PLIN1: variants seen among roughly 807,000 people sequenced by gnomAD.
PLIN1 encodes the protein perilipin-1.
Under a neutral mutation model 45.8 loss-of-function variants are expected in PLIN1, and 37 were observed. That is an observed-to-expected ratio of 0.81 (90% CI 0.62 to 1.06). The LOEUF is 1.06. Ranked by LOEUF, PLIN1 falls within the 50% of genes least tolerant of loss-of-function variation. The pLI is 0.00. For missense variants in PLIN1, 776 were observed against 716.5 expected (o/e 1.08, Z -0.95); for synonymous variants, 340 against 309.2 (o/e 1.10, Z -1.05).
In PLIN1 at chr15:89,669,482, C is replaced by G; in HGVS notation, c.771+18G>C. 6.2e-7 allele frequency: 1 copy of G among 1,606,898 alleles called. No homozygotes were observed. Among genetic ancestry groups the G allele is most frequent in the Non-Finnish European group, 8.5e-7 (1 of 1,178,506 alleles). On this transcript the variant is annotated intron_variant, in intron 6 of 8. Coordinates refer to ENST00000300055, the MANE Select transcript of PLIN1 (RefSeq NM_002666.5). ...CTCCCAGGCACCGGGTCAGTCAGAG[C>G]TCACGGCAGATACTTACCAGGGGCA... is the stretch of plus-strand genomic sequence containing the variant.
At chr15:89,672,298 A>G (rs554203893) in intron 3 of PLIN1, among the ~76,000 whole-genome samples, 3 of 152,252 alleles carry the variant, frequency 2.0e-5, no homozygotes, top group Non-Finnish European at 4.4e-5. Context: ...CTCTGCAGCC[A>G]TGGCCAATGG....
At chr15:89,671,441 G>A (rs775126803) in intron 4 of PLIN1, 41 bp downstream of exon 4, 46 of 1,374,442 alleles carry the variant, frequency 3.3e-5, no homozygotes, top group South Asian at 7.4e-5. Flanking sequence ...AGGCGGTGAC[G>A]ACAGAGTGCA....
At chr15:89,676,468 T>C (rs8179052) in intron 2 of PLIN1, among the ~76,000 whole-genome samples, 22,813 of 152,148 alleles carry the variant, frequency 0.15, 2,521 homozygotes, top group African/African-American at 0.31. Flanking sequence ...AGGATGGTCT[T>C]GATCTCCTGA....
chr15:89,677,399 C>T (rs758328460), intron 2 of PLIN1, 46 bp downstream of exon 2: 4 of 1,486,516 alleles, frequency 2.7e-6, no homozygotes, highest in Non-Finnish European at 3.8e-6. Flanking sequence ...TCTTCCTCCT[C>T]CCTCAGTTGT....
chr15:89,675,633 G>T lies in PLIN1; in HGVS notation c.45+1812C>A, dbSNP rs529196020. Among the ~76,000 whole-genome samples the T allele has an allele frequency of 5.3e-5, 8 of 152,044 alleles. No individual in the cohort carries two copies. The East Asian group carries it at 1.4e-3, about 26-fold the overall frequency. ...AAAAAATAAATAAATAAAATTAAAAGAACAAATTCTAGGCATGCAGAGGGA... is the reference window on the plus strand; with the variant it reads ...AAAAAATAAATAAATAAAATTAAAATAACAAATTCTAGGCATGCAGAGGGA... On this transcript the variant is annotated intron_variant, in intron 2 of 8. Transcript: ENST00000300055.
intron 4 of PLIN1, 51 bp from the exon 5 acceptor site, chr15:89,670,295 A>T: frequency 6.3e-7 from 1 of 1,575,324 alleles, no homozygotes; most frequent in East Asian, 2.3e-5. Flanking sequence ...AGGCCCTACA[A>T]GGGCTGCCCT....
At chr15:89,669,431 T>C (rs1964399908) in intron 6 of PLIN1, 69 bp downstream of exon 6, 2 of 1,241,666 alleles carry the variant, frequency 1.6e-6, no homozygotes, top group African/African-American at 1.5e-5. Context: ...GGGTGGGGGA[T>C]GGGAGGGACT....
intron 8 of PLIN1, 119 bp downstream of exon 8, chr15:89,666,817 G>GA: frequency 1.8e-6 from 2 of 1,122,866 alleles, no homozygotes; most frequent in Non-Finnish European, 2.6e-6. Flanking sequence ...GGAGTGGGGG[G>GA]CGGTCTCCAG....
Position 89,673,309 on chromosome 15 carries a change from C to G in PLIN1, c.151G>C (p.Val51Leu), listed in dbSNP as rs753036450. The change falls in exon 3 of 9, where the codon GTG becomes CTG. Residue 51 changes from valine (V) to leucine (L), a missense_variant. Transcript: ENST00000300055. Reference protein sequence around the residue: ...YTSTKEAHPLVASVCNAYEKG... With the variant: ...YTSTKEAHPLLASVCNAYEKG... Reference sequence around the variant, plus strand: ...TCATAGGCATTGCACACAGAGGCCACCAGGGGGTGGGCTTCCTTAGTGCTG... The same window carrying G: ...TCATAGGCATTGCACACAGAGGCCAGCAGGGGGTGGGCTTCCTTAGTGCTG... The G allele has an allele frequency of 6.3e-7, 1 of 1,590,370 alleles. No homozygotes were observed. Among genetic ancestry groups the G allele is most frequent in the Non-Finnish European group, 8.6e-7 (1 of 1,167,678 alleles).
At position 89,666,987 on chromosome 15, in the gene PLIN1, G is replaced by A; in HGVS notation, c.1158C>T (p.Ala386=). 6 of 1,614,100 alleles carry A rather than the reference G, an allele frequency of 3.7e-6. No homozygotes were observed. In the East Asian group the frequency reaches 6.7e-5, roughly 18 times the overall value. Residue 386 remains alanine (A), a synonymous_variant, in exon 8 of 9, where the codon GCC becomes GCT. Coordinates refer to ENST00000300055, the MANE Select transcript of PLIN1 (RefSeq NM_002666.5). ...TKGRAMSLSD[A]LKGVTDNVVD... ...CCACGTTGTCAGTAACGCCCTTCAG[G>A]GCATCTGATAGGGACATGGCCCTCC...
chr15:89,669,370 GC>G, intron 6 of PLIN1, 129 bp downstream of exon 6: 2 of 834,076 alleles, frequency 2.4e-6, no homozygotes, highest in South Asian at 2.7e-5. Context: ...TAGAACTGAA[GC>G]CCCAGCCCAC....
chr15:89,678,629 G>A (rs1220854994), intron 1 of PLIN1, among the ~76,000 whole-genome samples: 1 of 152,060 alleles, frequency 6.6e-6, no homozygotes, highest in Non-Finnish European at 1.5e-5. Context: ...AAAACAAGAA[G>A]TTTCAAGCTG....
At position 89,678,259 on chromosome 15, in the gene PLIN1, C is replaced by T. The variant is rs564192377; in HGVS notation, c.-14-756G>A. ...GCGCGGTGGCTCAGGCCTGTAATCC[C>T]GGCACTTTGGGAGTCCAAGGCAGGC... On this transcript the variant is annotated intron_variant, in intron 1 of 8. Transcript: ENST00000300055. Among the ~76,000 whole-genome samples, 9 of 151,842 alleles carry T rather than the reference C, an allele frequency of 5.9e-5. No homozygotes were observed. The South Asian group carries it at 1.0e-3, about 18-fold the overall frequency.
chr15:89,666,902 G>T, intron 8 of PLIN1, 34 bp downstream of exon 8: 3 of 1,612,444 alleles, frequency 1.9e-6, no homozygotes, highest in African/African-American at 1.3e-5. Flanking sequence ...AGGCCCCCTT[G>T]GGACACTAAC....
intron 1 of PLIN1, among the ~76,000 whole-genome samples, chr15:89,678,977 C>G (rs190628416): frequency 7.9e-5 from 12 of 152,082 alleles, no homozygotes; most frequent in Non-Finnish European, 1.6e-4. Context: ...TCTCATGTAG[C>G]TGGGACTACA....
At chr15:89,676,190 T>C (rs1343986888) in intron 2 of PLIN1, among the ~76,000 whole-genome samples, 1 of 152,156 alleles carries the variant, frequency 6.6e-6, no homozygotes, top group Non-Finnish European at 1.5e-5. Flanking sequence ...CCCCCATCAA[T>C]GACACCTACA....
rs558729936 is a variant in PLIN1, at chr15:89,672,981, T to C, written c.250+229A>G. On this transcript the variant is annotated intron_variant, in intron 3 of 8. Coordinates refer to ENST00000300055, the MANE Select transcript of PLIN1 (RefSeq NM_002666.5). ...CCTGCAGATTCTCTGGCCATCATTGTTATCCTAGGAAAATGCCAGCTGGGC... is the reference window on the plus strand; with the variant it reads ...CCTGCAGATTCTCTGGCCATCATTGCTATCCTAGGAAAATGCCAGCTGGGC... Among the ~76,000 whole-genome samples, 100 of 152,346 alleles carry C rather than the reference T, an allele frequency of 6.6e-4. 2 individuals carry two copies. In the South Asian group the frequency reaches 0.013, roughly 20 times the overall value.
At chr15:89,678,141 C>A (rs1490285585) in intron 1 of PLIN1, among the ~76,000 whole-genome samples, 1 of 151,888 alleles carries the variant, frequency 6.6e-6, no homozygotes, top group Admixed American at 6.5e-5. Flanking sequence ...GATCTGCCCA[C>A]CTTGGCCTCC....
At position 89,673,293 on chromosome 15, in the gene PLIN1, T is replaced by TTGCACAC; in HGVS notation, c.160_166dup (p.Asn56SerfsTer6). ...GCTCTGCACGCCCTTCTCATAGGCATTGCACACAGAGGCCACCAGGGGGTG... is the reference window on the plus strand; with the variant it reads ...GCTCTGCACGCCCTTCTCATAGGCATTGCACACTGCACACAGAGGCCACCAGGGGGTG... On this transcript the variant is annotated frameshift_variant, in exon 3 of 9. Coordinates refer to ENST00000300055, the MANE Select transcript of PLIN1 (RefSeq NM_002666.5). LOFTEE classifies it high-confidence loss of function. The TTGCACAC allele has an allele frequency of 3.8e-6, 6 of 1,586,472 alleles. No individual in the cohort carries two copies. The highest frequency in any genetic ancestry group is 5.1e-6 in the Non-Finnish European group (6 of 1,165,244).
Sources: allele counts gnomAD v4.1 joint callset (sites outside exome capture counted in the v4.1 genomes callset), GRCh38; gene constraint gnomAD v4.1.1; transcripts MANE v1.5; gene names NCBI Gene and HGNC (gene_info 2026-07-23, HGNC 2026-07-21).